CADM2: variants seen among roughly 807,000 people sequenced by gnomAD.
The protein encoded by CADM2 is cell adhesion molecule 2.
A neutral mutation model predicts 49.8 loss-of-function variants in CADM2; 12 were observed. The observed-to-expected ratio is 0.24, with a 90% CI of 0.15 to 0.39. CADM2 has a LOEUF of 0.39. CADM2 is among the 10% of genes least tolerant of loss of function. The pLI is 1.00. For synonymous variants in CADM2, 214 were observed against 175.4 expected (o/e 1.22, Z -1.74); for missense variants, 378 against 492.3 (o/e 0.77, Z 2.20).
At chr3:85,201,594 G>A (rs1172929395) in intron 1 of CADM2, among the ~76,000 whole-genome samples, 1 of 152,092 alleles carries the variant, frequency 6.6e-6, no homozygotes, top group Admixed American at 6.6e-5. Context: ...AGTATGTGAT[G>A]ATGTTTGATA....
intron 1 of CADM2, among the ~76,000 whole-genome samples, chr3:85,439,841 A>G (rs1034519306): frequency 3.3e-5 from 5 of 152,210 alleles, no homozygotes; most frequent in East Asian, 1.9e-4. Context: ...TGCATTAAAT[A>G]GAGGGTTAAA....
chr3:85,411,326 A>G (rs1470807528), intron 1 of CADM2, among the ~76,000 whole-genome samples: 1 of 152,232 alleles, frequency 6.6e-6, no homozygotes, highest in East Asian at 1.9e-4. Context: ...TGAAAATCCC[A>G]ACAAACCTTG....
At chr3:85,230,467 T>G (rs1219497962) in intron 1 of CADM2, among the ~76,000 whole-genome samples, 1 of 152,158 alleles carries the variant, frequency 6.6e-6, no homozygotes, top group African/African-American at 2.4e-5. Context: ...TGTGAGGATA[T>G]TAGATTAGTG....
At chr3:85,291,105 A>G (rs1266795626) in intron 1 of CADM2, among the ~76,000 whole-genome samples, 1 of 152,200 alleles carries the variant, frequency 6.6e-6, no homozygotes, top group Non-Finnish European at 1.5e-5. Flanking sequence ...GAGCTGATGG[A>G]GCTGAAAACC....
Position 85,247,647 on chromosome 3 carries a change from C to T in CADM2, c.61+287979C>T, listed in dbSNP as rs999752463. On this transcript the variant is annotated intron_variant, in intron 1 of 9. Transcript: ENST00000383699. ...TAATTCCCTAATTATTTAGGAGCTG[C>T]GAATTGACTTGGAATAGTATGAATT... Among the ~76,000 whole-genome samples, 8 of 152,184 alleles carry T rather than the reference C, an allele frequency of 5.3e-5. No individual in the cohort carries two copies. In the East Asian group the frequency reaches 5.8e-4, roughly 11 times the overall value.
intron 1 of CADM2, among the ~76,000 whole-genome samples, chr3:85,440,096 C>T (rs939797589): frequency 2.0e-5 from 3 of 152,116 alleles, no homozygotes; most frequent in African/African-American, 7.2e-5. Context: ...AATGTGTTTT[C>T]TATGGCTTTT....
chr3:85,536,191 A>T (rs2061418115), intron 1 of CADM2, among the ~76,000 whole-genome samples: 1 of 152,038 alleles, frequency 6.6e-6, no homozygotes, highest in African/African-American at 2.4e-5. Context: ...TTAAAATATA[A>T]GAAAAGTTGA....
At chr3:85,506,589 G>C (rs1324675397) in intron 1 of CADM2, among the ~76,000 whole-genome samples, 1 of 151,614 alleles carries the variant, frequency 6.6e-6, no homozygotes, top group Non-Finnish European at 1.5e-5. Context: ...TTAAGAGCCG[G>C]GATATCACTA....
At chr3:85,936,832 A>G (rs1721235310) in intron 7 of CADM2, among the ~76,000 whole-genome samples, 1 of 151,836 alleles carries the variant, frequency 6.6e-6, no homozygotes, top group South Asian at 2.1e-4. Flanking sequence ...CCATATTAAT[A>G]AATCCATGCC....
At chr3:85,860,365 A>T (rs1289437679) in intron 3 of CADM2, among the ~76,000 whole-genome samples, 1 of 152,166 alleles carries the variant, frequency 6.6e-6, no homozygotes, top group Non-Finnish European at 1.5e-5. Flanking sequence ...ATATGTATTT[A>T]CATTATGTTA....
chr3:85,969,162 C>T (rs1725812248), intron 8 of CADM2, among the ~76,000 whole-genome samples: 1 of 151,592 alleles, frequency 6.6e-6, no homozygotes, highest in Non-Finnish European at 1.5e-5. Context: ...ATGCATATCT[C>T]TTCATGTCGT....
At chr3:85,502,111 TTAAAG>T (rs755053305) in intron 1 of CADM2, among the ~76,000 whole-genome samples, 15 of 152,168 alleles carry the variant, frequency 9.9e-5, no homozygotes, top group Admixed American at 2.6e-4. Context: ...TAAAAATGGC[TTAAAG>T]TAAAGGATAC....
rs146765184 is a variant in CADM2, at chr3:85,867,072, A to G, written c.239-16219A>G. Among the ~76,000 whole-genome samples the G allele has an allele frequency of 2.5e-3, 386 of 152,254 alleles. 1 individual carries two copies. The highest frequency in any genetic ancestry group is 9.0e-3 in the African/African-American group (374 of 41,576). Reference sequence around the variant, plus strand: ...GTATAATCATACTATAAATTCCCTTATTATTATTTTTAGGCAAAGACAACA... The same window carrying G: ...GTATAATCATACTATAAATTCCCTTGTTATTATTTTTAGGCAAAGACAACA... On this transcript the variant is annotated intron_variant, in intron 3 of 9. Coordinates refer to ENST00000383699, the MANE Select transcript of CADM2 (RefSeq NM_001167675.2).
intron 3 of CADM2, among the ~76,000 whole-genome samples, chr3:85,825,726 C>T (rs1022994069): frequency 2.0e-5 from 3 of 151,686 alleles, no homozygotes; most frequent in South Asian, 4.2e-4. Flanking sequence ...CACTGTGTAC[C>T]GATTTTTTAA....
intron 1 of CADM2, among the ~76,000 whole-genome samples, chr3:85,545,194 G>A (rs964883410): frequency 5.3e-5 from 8 of 152,134 alleles, no homozygotes; most frequent in Non-Finnish European, 8.8e-5. Context: ...GCATGGCATC[G>A]TTGGTTCCTT....
intron 1 of CADM2, among the ~76,000 whole-genome samples, chr3:85,313,360 A>C (rs2044391242): frequency 6.6e-6 from 1 of 152,216 alleles, no homozygotes; most frequent in Non-Finnish European, 1.5e-5. Context: ...AAAGGTTAAA[A>C]GTATTTGAAG....
At chr3:85,869,678 AG>A (rs2075846704) in intron 3 of CADM2, among the ~76,000 whole-genome samples, 1 of 151,806 alleles carries the variant, frequency 6.6e-6, no homozygotes, top group African/African-American at 2.4e-5. Context: ...TATTATTTTG[AG>A]ATGGAGTCTC....
At chr3:85,250,678 G>A (rs1374370566) in intron 1 of CADM2, among the ~76,000 whole-genome samples, 2 of 151,572 alleles carry the variant, frequency 1.3e-5, no homozygotes, top group East Asian at 3.9e-4. Context: ...TAAATGGTAA[G>A]TTAAATACAA....
intron 1 of CADM2, among the ~76,000 whole-genome samples, chr3:85,426,396 T>C (rs1005353560): frequency 6.6e-6 from 1 of 152,136 alleles, no homozygotes; most frequent in Admixed American, 6.5e-5. Flanking sequence ...CCTCCCAAAG[T>C]GCAGGGATTA....
Sources: allele counts gnomAD v4.1 joint callset (sites outside exome capture counted in the v4.1 genomes callset), GRCh38; gene constraint gnomAD v4.1.1; transcripts MANE v1.5; gene names NCBI Gene and HGNC (gene_info 2026-07-23, HGNC 2026-07-21).